Variants in RELN observed in about 807,000 individuals in gnomAD.
RELN encodes reelin.
RELN carries 108 observed loss-of-function variants against 427.6 expected under a neutral mutation model. That is an observed-to-expected ratio of 0.25 (90% confidence interval 0.22 to 0.30). RELN has a LOEUF of 0.30. RELN is among the 10% of genes least tolerant of loss of function. The pLI, the probability that RELN is intolerant of heterozygous loss-of-function variation, is 1.00. For missense variants in RELN, 3,715 were observed against 4,302.8 expected, an observed-to-expected ratio of 0.86 and a Z score of 3.82; for synonymous variants, 1,524 against 1,513.4, an observed-to-expected ratio of 1.01 and a Z score of -0.16.
chr7:103,926,627 GTTTTTTTTTTTTT>G (rs60259062), intron 1 of RELN, among the ~76,000 whole-genome samples: 29 of 99,478 alleles, frequency 2.9e-4, no homozygotes, highest in African/African-American at 7.8e-4. Flanking sequence ...AGTATCATAA[GTTTTTTTTTTTTT>G]TTTTTTTTTT....
At chr7:103,537,192 T>A (rs1830072095) in intron 45 of RELN, among the ~76,000 whole-genome samples, 1 of 152,236 alleles carries the variant, frequency 6.6e-6, no homozygotes, top group African/African-American at 2.4e-5. Context: ...TTACCCTCTA[T>A]GTTCAACTCA....
chr7:103,605,042 C>T (rs963855446), intron 22 of RELN, among the ~76,000 whole-genome samples: 1 of 152,124 alleles, frequency 6.6e-6, no homozygotes, highest in African/African-American at 2.4e-5. Context: ...GTTGGCCAGG[C>T]TGCTCTTGAA....
At chr7:103,554,966 T>C (rs1005840580) in intron 38 of RELN, among the ~76,000 whole-genome samples, 3 of 152,244 alleles carry the variant, frequency 2.0e-5, no homozygotes, top group Non-Finnish European at 4.4e-5. Flanking sequence ...TTGCATTTAT[T>C]TGTTTATTTA....
At position 103,773,434 on chromosome 7, in the gene RELN, TC is replaced by T. The variant is rs1161679362; in HGVS notation, c.544+3122del. On this transcript the variant is annotated intron_variant, in intron 4 of 64. Transcript: ENST00000428762. ...CTCTCTCTCCCTCGCTCCCTCTCTC[TC>T]TCTCTCTCTCCCTCGCTCCCTCCCT... 2.5e-4 allele frequency among the ~76,000 whole-genome samples: 34 copies of T among 137,466 alleles called. 2 individuals are homozygous for T. The highest frequency in any genetic ancestry group is 8.8e-4 in the African/African-American group (33 of 37,306). 90.2% of individuals were successfully genotyped at this position (137,466 alleles called of 152,430 possible).
chr7:103,817,067 G>T (rs1244230817), intron 3 of RELN, among the ~76,000 whole-genome samples: 1 of 152,036 alleles, frequency 6.6e-6, no homozygotes, highest in Admixed American at 6.6e-5. Context: ...GGCCAGACTG[G>T]TCTTGAACTC....
intron 4 of RELN, among the ~76,000 whole-genome samples, chr7:103,762,906 G>T (rs1462510013): frequency 6.6e-6 from 1 of 152,164 alleles, no homozygotes; most frequent in Non-Finnish European, 1.5e-5. Flanking sequence ...ACAAACGAGG[G>T]TAGAAAAATA....
intron 1 of RELN, among the ~76,000 whole-genome samples, chr7:103,931,273 T>G (rs2116708440): frequency 6.6e-6 from 1 of 152,308 alleles, no homozygotes; most frequent in South Asian, 2.1e-4. Context: ...GTTTCAGGCC[T>G]TTGTTCTCAC....
chr7:103,504,081 G>C (rs569507833), intron 51 of RELN, among the ~76,000 whole-genome samples: 1 of 152,200 alleles, frequency 6.6e-6, no homozygotes, highest in South Asian at 2.1e-4. Context: ...GCGTGCACCT[G>C]TAATCCCAGC....
In RELN at chr7:103,987,625, G is replaced by C. The variant is rs188072299; in HGVS notation, c.226+1506C>G. On this transcript the variant is annotated intron_variant, in intron 1 of 64. Transcript: ENST00000428762. ...TACCGGGCAAGAACTTTTGCTAAGA[G>C]TCGCACGGAGCAGCAGGCTGTCAAT... Among the ~76,000 whole-genome samples the C allele has an allele frequency of 1.1e-4, 17 of 152,282 alleles. No homozygotes were observed. In the East Asian group the frequency reaches 2.5e-3, roughly 22 times the overall value.
chr7:103,516,793 T>C (rs567998285), intron 49 of RELN, among the ~76,000 whole-genome samples: 1 of 152,156 alleles, frequency 6.6e-6, no homozygotes, highest in Non-Finnish European at 1.5e-5. Context: ...ATTTTGTTTA[T>C]ACAGTATCTC....
intron 5 of RELN, 102 bp from the exon 6 acceptor site, chr7:103,749,606 T>C (rs1584462116): frequency 4.7e-6 from 4 of 858,378 alleles, no homozygotes; most frequent in Non-Finnish European, 5.9e-6. Context: ...TAATGTATCC[T>C]AAAACTAAAT....
At chr7:103,865,582 A>G (rs1355926161) in intron 2 of RELN, among the ~76,000 whole-genome samples, 1 of 152,168 alleles carries the variant, frequency 6.6e-6, no homozygotes, top group Non-Finnish European at 1.5e-5. Flanking sequence ...TGGGGTGGCA[A>G]GGATAGTTCC....
At chr7:103,725,060 T>G (rs1455114122) in intron 7 of RELN, among the ~76,000 whole-genome samples, 1 of 152,162 alleles carries the variant, frequency 6.6e-6, no homozygotes, top group East Asian at 1.9e-4. Context: ...AACTTTTTTC[T>G]TACCAAATCT....
chr7:103,815,714 C>G (rs1792853369), intron 3 of RELN, among the ~76,000 whole-genome samples: 1 of 151,994 alleles, frequency 6.6e-6, no homozygotes, highest in African/African-American at 2.4e-5. Flanking sequence ...TGTCTATCCC[C>G]CAAAGACTTT....
At position 103,574,007 on chromosome 7, in the gene RELN, T is replaced by TAACAG. The variant is rs149599245; in HGVS notation, c.4511+80_4511+84dup. 2,269 of 1,040,946 alleles carry TAACAG rather than the reference T, an allele frequency of 2.2e-3. 42 individuals are homozygous for TAACAG. In the African/African-American group the frequency reaches 0.031, roughly 14 times the overall value. 64.5% of individuals were successfully genotyped at this position (1,040,946 alleles called of 1,614,324 possible). A position where few individuals can be genotyped will look rare whatever the true frequency, so the allele number is the denominator to read the frequency against. Reference sequence around the variant, plus strand: ...GAAACATTATTGTATATATTCCCAATAACAGAACAGAATGTTTTAAGTTAG... The same window carrying TAACAG: ...GAAACATTATTGTATATATTCCCAATAACAGAACAGAACAGAATGTTTTAAGTTAG... On this transcript the variant is annotated intron_variant, in intron 30 of 64. Coordinates refer to ENST00000428762, the MANE Select transcript of RELN (RefSeq NM_005045.4).
intron 28 of RELN, 111 bp downstream of exon 28, chr7:103,589,485 A>T: frequency 1.3e-6 from 1 of 770,676 alleles, no homozygotes; most frequent in South Asian, 1.5e-5. Context: ...TATTTTTCCC[A>T]GAATTGTATT....
chr7:103,537,163 T>A (rs6970618), intron 45 of RELN, among the ~76,000 whole-genome samples: 1,619 of 152,308 alleles, frequency 0.011, 27 homozygotes, highest in African/African-American at 0.037. Context: ...ATTTTAGAAA[T>A]TTTACTTTTC....
intron 1 of RELN, among the ~76,000 whole-genome samples, chr7:103,947,511 C>G (rs529882659): frequency 3.9e-5 from 6 of 152,290 alleles, no homozygotes; most frequent in Middle Eastern, 3.4e-3. Context: ...TAGCCATCTA[C>G]AAGCCAAGGA....
intron 8 of RELN, among the ~76,000 whole-genome samples, chr7:103,719,832 G>A (rs1222787934): frequency 6.6e-6 from 1 of 152,178 alleles, no homozygotes; most frequent in African/African-American, 2.4e-5. Flanking sequence ...GTAGCAAATC[G>A]ATGTCTCAGC....
Sources: allele counts gnomAD v4.1 joint callset (sites outside exome capture counted in the v4.1 genomes callset), GRCh38; gene constraint gnomAD v4.1.1; transcripts MANE v1.5; gene names NCBI Gene and HGNC (gene_info 2026-07-23, HGNC 2026-07-21).